RPS6KC1: variants seen among roughly 807,000 people sequenced by gnomAD.
RPS6KC1 encodes ribosomal protein S6 kinase C1.
RPS6KC1 carries 54 observed loss-of-function variants against 103.8 expected under a neutral mutation model. That is an observed-to-expected ratio of 0.52 (90% CI 0.42 to 0.65). The LOEUF (loss-of-function observed/expected upper bound fraction) is 0.65. RPS6KC1 is among the 30% of genes least tolerant of loss of function. The pLI is 0.00. For missense variants in RPS6KC1, 1,151 were observed against 1,253.8 expected (o/e 0.92, Z 1.24); for synonymous variants, 439 against 438.7 (o/e 1.00, Z -0.01).
chr1:213,788,812 T>C, the RPS6KC1 span, among the ~76,000 whole-genome samples: 2 of 151,780 alleles, frequency 1.3e-5, no homozygotes, highest in Admixed American at 1.3e-4. Context: ...TTGAGGAGAG[T>C]GAATTTGGAA....
At position 213,146,743 on chromosome 1, in the gene RPS6KC1, T is replaced by C. The variant is rs942353192; in HGVS notation, c.835+16854T>C. ...CCCGGCCGTGGGATTGCAATTTTTA[T>C]TTTTTTTGAGGAACCTCCAAACTGT... On this transcript the variant is annotated intron_variant, in intron 6 of 14. Coordinates refer to ENST00000366960, the MANE Select transcript of RPS6KC1 (RefSeq NM_012424.6). Among the ~76,000 whole-genome samples, 3 of 151,686 alleles carry C rather than the reference T, an allele frequency of 2.0e-5. No individual in the cohort carries two copies. The Admixed American group carries it at 2.0e-4, about 10-fold the overall frequency.
the RPS6KC1 span, among the ~76,000 whole-genome samples, chr1:213,288,845 TC>T: frequency 2.0e-5 from 3 of 152,182 alleles, no homozygotes; most frequent in Non-Finnish European, 4.4e-5. Context: ...AACAGAAACT[TC>T]CTGTGCGAAT....
chr1:213,443,159 C>T, the RPS6KC1 span, among the ~76,000 whole-genome samples: 1 of 152,128 alleles, frequency 6.6e-6, no homozygotes, highest in African/African-American at 2.4e-5. Context: ...CTAGGCTTAC[C>T]TGAGATCCAG....
At chr1:213,269,734 A>C (rs1263149948) in intron 14 of RPS6KC1, among the ~76,000 whole-genome samples, 1 of 152,054 alleles carries the variant, frequency 6.6e-6, no homozygotes, top group Admixed American at 6.6e-5. Flanking sequence ...TTTAATCAGA[A>C]TCTTAGCTTG....
the RPS6KC1 span, among the ~76,000 whole-genome samples, chr1:213,322,943 T>A: frequency 2.9e-5 from 2 of 69,200 alleles, no homozygotes; most frequent in African/African-American, 5.4e-5. Context: ...TTTTTTTTTT[T>A]AGTAGAGACA....
the RPS6KC1 span, among the ~76,000 whole-genome samples, chr1:213,549,323 G>A: frequency 6.6e-6 from 1 of 152,282 alleles, no homozygotes; most frequent in African/African-American, 2.4e-5. Flanking sequence ...GACTAACCAA[G>A]GAAGGCTCTT....
chr1:213,810,580 C>A, the RPS6KC1 span, among the ~76,000 whole-genome samples: 1 of 152,158 alleles, frequency 6.6e-6, no homozygotes, highest in South Asian at 2.1e-4. Flanking sequence ...GTTGCAGATA[C>A]TTCCCAAATA....
chr1:213,581,933 C>T, the RPS6KC1 span, among the ~76,000 whole-genome samples: 3 of 151,926 alleles, frequency 2.0e-5, no homozygotes, highest in Non-Finnish European at 4.4e-5. Flanking sequence ...TGGAGCCTCC[C>T]TCACTTCCTC....
At chr1:213,298,530 G>A in the RPS6KC1 span, among the ~76,000 whole-genome samples, 1,016 of 152,038 alleles carry the variant, frequency 6.7e-3, 9 homozygotes, top group African/African-American at 0.022. Context: ...TACTTCTTAT[G>A]TTTGCTGTTT....
At chr1:213,497,887 T>C in the RPS6KC1 span, among the ~76,000 whole-genome samples, 1 of 151,854 alleles carries the variant, frequency 6.6e-6, no homozygotes, top group Non-Finnish European at 1.5e-5. Context: ...GTAGAAAAAA[T>C]TTAAAAAATT....
chr1:213,136,373 A>G (rs1217136840), intron 6 of RPS6KC1, among the ~76,000 whole-genome samples: 1 of 152,138 alleles, frequency 6.6e-6, no homozygotes, highest in Non-Finnish European at 1.5e-5. Context: ...AGGTGGACAG[A>G]GCTATCCCTG....
the RPS6KC1 span, among the ~76,000 whole-genome samples, chr1:213,828,740 C>A: frequency 6.6e-6 from 1 of 152,112 alleles, no homozygotes; most frequent in East Asian, 1.9e-4. Context: ...AGACACTTGC[C>A]CGAAGTCACA....
chr1:213,401,392 C>A, the RPS6KC1 span, among the ~76,000 whole-genome samples: 13 of 152,308 alleles, frequency 8.5e-5, no homozygotes, highest in Admixed American at 8.5e-4. Context: ...GCCACAATGA[C>A]CAGGGCTCTT....
chr1:213,484,934 C>T, the RPS6KC1 span, among the ~76,000 whole-genome samples: 20 of 152,290 alleles, frequency 1.3e-4, no homozygotes, highest in South Asian at 4.2e-4. Flanking sequence ...CCAATCTTGG[C>T]TCACTGCAAC....
intron 7 of RPS6KC1, among the ~76,000 whole-genome samples, chr1:213,169,867 C>T (rs995237740): frequency 5.3e-5 from 8 of 151,290 alleles, no homozygotes; most frequent in East Asian, 3.9e-4. Context: ...CTGTAACCTC[C>T]GCTTCCCGGG....
At chr1:213,074,069 T>C (rs1241332739) in intron 2 of RPS6KC1, among the ~76,000 whole-genome samples, 7 of 152,170 alleles carry the variant, frequency 4.6e-5, no homozygotes, top group Non-Finnish European at 1.0e-4. Flanking sequence ...GGTAGTGATG[T>C]TGGTTGTAAG....
chr1:213,441,834 T>G, the RPS6KC1 span, among the ~76,000 whole-genome samples: 7 of 152,392 alleles, frequency 4.6e-5, no homozygotes, highest in East Asian at 1.2e-3. Context: ...TTGAAATTGC[T>G]GAGTAATTTT....
intron 8 of RPS6KC1, among the ~76,000 whole-genome samples, chr1:213,200,247 A>G (rs147205291): frequency 2.3e-4 from 35 of 152,338 alleles, no homozygotes; most frequent in African/African-American, 8.4e-4. Flanking sequence ...CTACAAGGCT[A>G]CAGTAACCAA....
chr1:213,235,207 A>G (rs1402980899), intron 10 of RPS6KC1, among the ~76,000 whole-genome samples: 1 of 152,206 alleles, frequency 6.6e-6, no homozygotes, highest in Non-Finnish European at 1.5e-5. Flanking sequence ...CTCATGATTT[A>G]TGTGAGTCTC....
Sources: gnomAD v4.1 joint callset for allele counts (sites outside exome capture counted in the v4.1 genomes callset) on GRCh38, gnomAD v4.1.1 for gene constraint, MANE v1.5 for transcripts, NCBI Gene and HGNC (gene_info 2026-07-23, HGNC 2026-07-21) for gene names.